SBF2: variants seen among roughly 807,000 people sequenced by gnomAD.
The protein encoded by SBF2 is myotubularin-related protein 13.
Under a neutral mutation model 225.2 loss-of-function variants are expected in SBF2, and 112 were observed. The observed-to-expected ratio is 0.50, with a 90% CI of 0.43 to 0.58. The LOEUF (loss-of-function observed/expected upper bound fraction) is 0.58. Among genes scored for constraint, SBF2 ranks in the 20% least tolerant of loss-of-function variants. SBF2 has a pLI of 0.00. For missense variants in SBF2, 1,996 were observed against 2,206.2 expected, an observed-to-expected ratio of 0.90 and a Z score of 1.91; for synonymous variants, 763 against 773.3, an observed-to-expected ratio of 0.99 and a Z score of 0.22.
chr11:9,857,441 G>A (rs1352324994), intron 18 of SBF2, among the ~76,000 whole-genome samples: 1 of 152,170 alleles, frequency 6.6e-6, no homozygotes, highest in East Asian at 1.9e-4. Flanking sequence ...CACCCCCGAA[G>A]CCCAGTAAAT....
At chr11:9,792,409 G>A (rs549564498) in intron 33 of SBF2, among the ~76,000 whole-genome samples, 110 of 150,260 alleles carry the variant, frequency 7.3e-4, no homozygotes, top group Middle Eastern at 3.4e-3. Flanking sequence ...CCAGCCTGGC[G>A]ACAGTGTGAG....
At chr11:9,812,750 T>C (rs1482475238) in intron 29 of SBF2, 42 bp from the exon 30 acceptor site, 9 of 1,600,450 alleles carry the variant, frequency 5.6e-6, no homozygotes, top group South Asian at 2.2e-5. Context: ...TGAAGTGCTA[T>C]AGGTAAAAGA....
chr11:10,056,238 C>T (rs1477016755), intron 2 of SBF2, among the ~76,000 whole-genome samples: 2 of 152,040 alleles, frequency 1.3e-5, no homozygotes, highest in Non-Finnish European at 2.9e-5. Context: ...CTTTTTGGTT[C>T]CATATAAATT....
intron 6 of SBF2, among the ~76,000 whole-genome samples, chr11:10,007,348 G>T (rs1442923379): frequency 2.6e-5 from 4 of 152,038 alleles, no homozygotes; most frequent in African/African-American, 9.7e-5. Context: ...GCATTCTCAA[G>T]AACTGGGAAA....
Position 9,842,656 on chromosome 11 carries a change from A to G in SBF2, c.3225T>C (p.Arg1075=). Residue 1075 remains arginine, a synonymous_variant, in exon 25 of 40, where the codon CGT becomes CGC. Transcript: ENST00000256190. ...CATCATCATCTTCATTCCATCCAGG[A>G]CGATTTACTCTTTCTTCCACAATTG... ...TGTIVEERVN[R]PGWNEDDDVS... The G allele has an allele frequency of 1.2e-6, 2 of 1,614,068 alleles. No individual in the cohort carries two copies. The highest frequency in any genetic ancestry group is 1.7e-6 in the Non-Finnish European group (2 of 1,179,974).
At chr11:9,788,330 T>A (rs1184032544) in intron 35 of SBF2, among the ~76,000 whole-genome samples, 1 of 152,166 alleles carries the variant, frequency 6.6e-6, no homozygotes, top group Admixed American at 6.5e-5. Context: ...CTGGCCCATA[T>A]CAGGGCTCAA....
intron 2 of SBF2, among the ~76,000 whole-genome samples, chr11:10,127,826 T>C (rs1364423679): frequency 6.6e-6 from 1 of 152,168 alleles, no homozygotes; most frequent in African/African-American, 2.4e-5. Flanking sequence ...CAAGATCTGC[T>C]GTTACTAACT....
intron 2 of SBF2, among the ~76,000 whole-genome samples, chr11:10,084,245 T>C (rs1951470766): frequency 6.6e-6 from 1 of 151,770 alleles, no homozygotes; most frequent in African/African-American, 2.4e-5. Flanking sequence ...CCTGGAACTT[T>C]TGGAAAAAAA....
chr11:10,159,867 G>T (rs1955652881), intron 2 of SBF2, among the ~76,000 whole-genome samples: 1 of 151,778 alleles, frequency 6.6e-6, no homozygotes, highest in African/African-American at 2.4e-5. Flanking sequence ...TCCAGCCTGG[G>T]CAACAGAGCA....
At position 9,839,638 on chromosome 11, in the gene SBF2, T is replaced by C; in HGVS notation, c.3315A>G (p.Thr1105=). The change falls in exon 26 of 40, where the codon ACA becomes ACG. Residue 1105 remains threonine, a synonymous_variant. Transcript: ENST00000256190. ...STTLKASEKS[T]MEQLVEKACF... ...AAGCTTTTTCCACCAACTGTTCCAT[T>C]GTAGACTTCTCGGAGGCCTTCAGGG... The C allele has an allele frequency of 6.2e-7, 1 of 1,614,176 alleles. No individual in the cohort carries two copies. The highest frequency in any genetic ancestry group is 8.5e-7 in the Non-Finnish European group (1 of 1,180,030).
intron 23 of SBF2, 48 bp downstream of exon 23, chr11:9,846,908 C>G (rs755044915): frequency 1.9e-6 from 3 of 1,610,640 alleles, no homozygotes; most frequent in Non-Finnish European, 2.5e-6. Context: ...TATCATTTGA[C>G]TTTTGAAAAT....
intron 13 of SBF2, among the ~76,000 whole-genome samples, chr11:9,969,961 C>T (rs1867218818): frequency 6.6e-6 from 1 of 152,106 alleles, no homozygotes; most frequent in Non-Finnish European, 1.5e-5. Context: ...TTAAATGTGT[C>T]AGCTAATATT....
intron 25 of SBF2, among the ~76,000 whole-genome samples, chr11:9,840,322 T>A (rs987881525): frequency 1.3e-5 from 2 of 151,032 alleles, no homozygotes; most frequent in African/African-American, 4.9e-5. Flanking sequence ...TATATTAGGA[T>A]GACAAGTATT....
intron 2 of SBF2, among the ~76,000 whole-genome samples, chr11:10,067,005 T>C (rs117784665): frequency 0.011 from 1,670 of 152,272 alleles, 20 homozygotes; most frequent in South Asian, 0.019. Context: ...AGGCTAGGTA[T>C]GGTGGCTCAC....
chr11:10,100,375 T>C (rs1057030585), intron 2 of SBF2, among the ~76,000 whole-genome samples: 1 of 152,218 alleles, frequency 6.6e-6, no homozygotes, highest in African/African-American at 2.4e-5. Flanking sequence ...TGTGGTTCAG[T>C]AGCCCCCTCT....
chr11:9,941,331 A>G (rs1865239257), intron 16 of SBF2, among the ~76,000 whole-genome samples: 1 of 148,654 alleles, frequency 6.7e-6, no homozygotes, highest in African/African-American at 2.5e-5. Context: ...CTTCAGTAAA[A>G]ATAAAAAAAA....
chr11:9,910,890 C>CAAA (rs68011518), intron 16 of SBF2, among the ~76,000 whole-genome samples: 14,778 of 93,356 alleles, frequency 0.16, 2,315 homozygotes, highest in African/African-American at 0.41. Context: ...TACTAAAATA[C>CAAA]AAAAAAAAAA....
At chr11:10,201,600 G>C (rs866623188) in intron 1 of SBF2, among the ~76,000 whole-genome samples, 1 of 152,288 alleles carries the variant, frequency 6.6e-6, no homozygotes, top group East Asian at 1.9e-4. Context: ...GTGATTTTCT[G>C]ATTTTCCAGT....
chr11:9,839,936 G>A (rs1168556292), intron 25 of SBF2, among the ~76,000 whole-genome samples: 1 of 152,192 alleles, frequency 6.6e-6, no homozygotes, highest in Non-Finnish European at 1.5e-5. Flanking sequence ...CAAAGCACAG[G>A]ATTAAAAACT....
Sources: allele counts gnomAD v4.1 joint callset (sites outside exome capture counted in the v4.1 genomes callset), GRCh38; gene constraint gnomAD v4.1.1; transcripts MANE v1.5; gene names NCBI Gene and HGNC (gene_info 2026-07-23, HGNC 2026-07-21).